The following GLIS3 variants were observed in gnomAD, a reference collection of about 807,000 sequenced individuals.
GLIS3 encodes zinc finger protein GLIS3.
In GLIS3, 53 loss-of-function variants were observed where a neutral mutation model predicts 78.6. That is an observed-to-expected ratio of 0.67 (90% CI 0.54 to 0.85). GLIS3 has a LOEUF of 0.85. Ranked by LOEUF, GLIS3 falls within the 40% of genes least tolerant of loss-of-function variation. GLIS3 has a pLI of 0.00. For synonymous variants in GLIS3, 684 were observed against 509.9 expected (o/e 1.34, Z -4.60); for missense variants, 1,703 against 1,231.1 (o/e 1.38, Z -5.74).
intron 2 of GLIS3, among the ~76,000 whole-genome samples, chr9:4,163,887 C>T (rs1835691560): frequency 6.6e-6 from 1 of 152,176 alleles, no homozygotes; most frequent in Non-Finnish European, 1.5e-5. Context: ...GAAAAGGCTA[C>T]AAATGAGTAA....
intron 4 of GLIS3, among the ~76,000 whole-genome samples, chr9:4,091,442 G>C (rs1829493485): frequency 6.6e-6 from 1 of 152,052 alleles, no homozygotes; most frequent in Non-Finnish European, 1.5e-5. Flanking sequence ...TTTATCCTTA[G>C]TGGAAATAAA....
chr9:4,113,718 T>TAC (rs1415017772), intron 4 of GLIS3, among the ~76,000 whole-genome samples: 4 of 152,190 alleles, frequency 2.6e-5, no homozygotes, highest in African/African-American at 9.6e-5. Flanking sequence ...TGTGTACCCA[T>TAC]ACATCAGGCC....
At chr9:3,838,346 C>A (rs1418733637) in intron 9 of GLIS3, among the ~76,000 whole-genome samples, 2 of 152,096 alleles carry the variant, frequency 1.3e-5, no homozygotes, top group Non-Finnish European at 2.9e-5. Flanking sequence ...TTAAGAGAGA[C>A]CTACAGTCCT....
At chr9:4,005,747 G>C (rs749603059) in intron 4 of GLIS3, among the ~76,000 whole-genome samples, 1 of 152,194 alleles carries the variant, frequency 6.6e-6, no homozygotes, top group African/African-American at 2.4e-5. Context: ...CCAACAGAAT[G>C]AATTCATGAT....
intron 4 of GLIS3, among the ~76,000 whole-genome samples, chr9:3,947,470 T>G (rs1365929334): frequency 6.6e-6 from 1 of 152,242 alleles, no homozygotes; most frequent in African/African-American, 2.4e-5. Flanking sequence ...AATATGTGCA[T>G]ATGCATTTGT....
At chr9:4,393,643 T>C in the GLIS3 span, among the ~76,000 whole-genome samples, 1 of 152,184 alleles carries the variant, frequency 6.6e-6, no homozygotes, top group African/African-American at 2.4e-5. Context: ...GCCAGTTATT[T>C]TGTAAAATGT....
chr9:3,926,836 G>A (rs1303953767), intron 6 of GLIS3, among the ~76,000 whole-genome samples: 1 of 151,350 alleles, frequency 6.6e-6, no homozygotes, highest in African/African-American at 2.4e-5. Context: ...TGTTGGCCAG[G>A]CTGGTCTTGA....
At chr9:3,839,024 G>A (rs1479071358) in intron 9 of GLIS3, among the ~76,000 whole-genome samples, 1 of 152,130 alleles carries the variant, frequency 6.6e-6, no homozygotes, top group Non-Finnish European at 1.5e-5. Context: ...TCAGAGAAAG[G>A]CCCAGGGAAT....
At chr9:4,174,713 C>T (rs762611882) in intron 2 of GLIS3, among the ~76,000 whole-genome samples, 3 of 152,188 alleles carry the variant, frequency 2.0e-5, no homozygotes, top group East Asian at 1.9e-4. Flanking sequence ...TTTTAAATCC[C>T]GTGCTGCAGT....
At chr9:4,314,668 C>G (rs939379646) in intron 2 of GLIS3, among the ~76,000 whole-genome samples, 6 of 152,174 alleles carry the variant, frequency 3.9e-5, no homozygotes, top group Non-Finnish European at 2.9e-5. Flanking sequence ...TGAAAAGCCA[C>G]CATGAGAGGT....
intron 4 of GLIS3, among the ~76,000 whole-genome samples, chr9:4,087,668 A>T (rs990858162): frequency 2.0e-5 from 3 of 152,214 alleles, no homozygotes; most frequent in African/African-American, 7.2e-5. Context: ...TTAAGGGGGA[A>T]AGGTGGTACA....
At chr9:4,322,920 A>G (rs897996482) in intron 2 of GLIS3, among the ~76,000 whole-genome samples, 3 of 152,094 alleles carry the variant, frequency 2.0e-5, no homozygotes, top group African/African-American at 7.2e-5. Flanking sequence ...GTTTAATGAG[A>G]TCCCATTTGT....
At chr9:4,191,038 A>G (rs1042938735) in intron 2 of GLIS3, among the ~76,000 whole-genome samples, 3 of 152,034 alleles carry the variant, frequency 2.0e-5, no homozygotes, top group Non-Finnish European at 4.4e-5. Context: ...AGGAAGCGCT[A>G]AACATGGAAA....
intron 2 of GLIS3, among the ~76,000 whole-genome samples, chr9:4,178,569 T>C (rs1349101846): frequency 6.6e-6 from 1 of 152,260 alleles, no homozygotes; most frequent in Non-Finnish European, 1.5e-5. Flanking sequence ...GCCTAGGGCT[T>C]GACCTACATA....
upstream of GLIS3, among the ~76,000 whole-genome samples, chr9:4,350,387 A>G (rs10115568): frequency 0.24 from 36,745 of 152,110 alleles, 4,856 homozygotes; most frequent in East Asian, 0.32. Flanking sequence ...CTTAAAATTT[A>G]TATTTTTTCC....
At chr9:4,284,741 T>C (rs1438961739) in intron 2 of GLIS3, among the ~76,000 whole-genome samples, 2 of 148,096 alleles carry the variant, frequency 1.4e-5, no homozygotes, top group East Asian at 3.9e-4. Flanking sequence ...CGAAATCCTG[T>C]CTCAAAAAAA....
chr9:4,416,812 G>T, the GLIS3 span, among the ~76,000 whole-genome samples: 24 of 95,798 alleles, frequency 2.5e-4, no homozygotes, highest in East Asian at 3.0e-4. Context: ...CCCATAGTCA[G>T]TTTTTTTTTT....
the GLIS3 span, among the ~76,000 whole-genome samples, chr9:4,451,365 T>A: frequency 6.6e-6 from 1 of 152,160 alleles, no homozygotes; most frequent in Non-Finnish European, 1.5e-5. Context: ...CTTAGAGACC[T>A]ACAAAGAGAC....
At chr9:4,197,202 C>T (rs1286799192) in intron 2 of GLIS3, among the ~76,000 whole-genome samples, 1 of 152,104 alleles carries the variant, frequency 6.6e-6, no homozygotes, top group African/African-American at 2.4e-5. Flanking sequence ...TGGAGCACTC[C>T]CTCACATGGA....
Sources: gnomAD v4.1 joint callset for allele counts (sites outside exome capture counted in the v4.1 genomes callset) on GRCh38, gnomAD v4.1.1 for gene constraint, MANE v1.5 for transcripts, NCBI Gene and HGNC (gene_info 2026-07-23, HGNC 2026-07-21) for gene names.